Variants in SHISA7 observed in about 807,000 individuals in gnomAD.
The protein encoded by SHISA7 is protein shisa-7.
In SHISA7, 6 loss-of-function variants were observed where a neutral mutation model predicts 23.9. The observed-to-expected ratio is 0.25, with a 90% CI of 0.14 to 0.50. The LOEUF (loss-of-function observed/expected upper bound fraction) is 0.50, where lower values mean the gene tolerates loss of function less well. Ranked by LOEUF, SHISA7 falls within the 20% of genes least tolerant of loss-of-function variation. SHISA7 has a pLI of 0.98. For synonymous variants in SHISA7, 386 were observed against 398.3 expected (o/e 0.97, Z 0.37); for missense variants, 671 against 801.1 (o/e 0.84, Z 1.96).
rs898855907 is a variant in SHISA7 at position 55,430,494 on chromosome 19, G to A, written c.*2662C>T. 6.6e-6 allele frequency: 1 copy of A among 152,210 alleles called. No homozygotes were observed. Among genetic ancestry groups the A allele is most frequent in the Non-Finnish European group, 1.5e-5 (1 of 68,070 alleles). The allele number at this position is 152,210 out of a possible 1,614,324, so 9.4% of individuals were successfully genotyped here. ...TCTGGGATGACACCAGGGTTATGGT[G>A]GATCCTAGTGGGTGGTGACAGCACT... On this transcript the variant is annotated 3_prime_UTR_variant, in exon 4 of 4. Coordinates refer to ENST00000376325, the MANE Select transcript of SHISA7 (RefSeq NM_001145176.2).
Position 55,436,422 on chromosome 19 carries a change from G to A in SHISA7, c.976+1183C>T, listed in dbSNP as rs185879857. ...GTTTGAGACCAGCCTCACCAACATG[G>A]TGAAACCCCGTCTCTACTAAAAATA... On this transcript the variant is annotated intron_variant, in intron 3 of 3. Transcript: ENST00000376325. Among the ~76,000 whole-genome samples the A allele has an allele frequency of 8.1e-4, 123 of 151,792 alleles. 1 individual carries two copies. The highest frequency in any genetic ancestry group is 3.4e-3 in the Middle Eastern group (1 of 292).
chr19:55,438,172 C>A (rs1599873815), intron 2 of SHISA7, among the ~76,000 whole-genome samples: 1 of 151,924 alleles, frequency 6.6e-6, no homozygotes, highest in East Asian at 1.9e-4. Context: ...TCAGACCCAG[C>A]AGTTCTTTGG....
At chr19:55,434,949 TGTGGTGTGTGG>T (rs1985382404) in intron 3 of SHISA7, among the ~76,000 whole-genome samples, 1 of 115,296 alleles carries the variant, frequency 8.7e-6, no homozygotes, top group African/African-American at 3.4e-5. Flanking sequence ...GTGTATGGTG[TGTGGTGTGTGG>T]GTGTGTGTGG....
chr19:55,440,853 CCTTGGGTAAT>C (rs1238830347), intron 1 of SHISA7, 88 bp from the exon 2 acceptor site: 11 of 1,180,054 alleles, frequency 9.3e-6, no homozygotes, highest in Non-Finnish European at 1.2e-5. Flanking sequence ...CTGCTCTCGC[CCTTGGGTAAT>C]CTGTCACTCA....
chr19:55,443,201 G>C lies in SHISA7; in HGVS notation c.-338C>G, dbSNP rs1388196495. 6.6e-6 allele frequency among the ~76,000 whole-genome samples: 1 copy of C among 151,548 alleles called. No individual in the cohort carries two copies. The highest frequency in any genetic ancestry group is 1.5e-5 in the Non-Finnish European group (1 of 67,926). On this transcript the variant is annotated 5_prime_UTR_variant, in exon 1 of 4. Coordinates refer to ENST00000376325, the MANE Select transcript of SHISA7 (RefSeq NM_001145176.2). Reference sequence around the variant, plus strand: ...GGGATCAGGCGAGAGATGAATGCGGGAGAAGCGATTGGGAGGGTCGACAGA... The same window carrying C: ...GGGATCAGGCGAGAGATGAATGCGGCAGAAGCGATTGGGAGGGTCGACAGA...
At chr19:55,438,266 C>T (rs747366157) in intron 2 of SHISA7, among the ~76,000 whole-genome samples, 23 of 152,234 alleles carry the variant, frequency 1.5e-4, no homozygotes, top group Non-Finnish European at 2.5e-4. Flanking sequence ...GCTCAGGAGA[C>T]GGGCTTGATG....
rs1237853762 is a variant in SHISA7 at position 55,432,366 on chromosome 19, G to A, written c.*790C>T. ...CCTCCTCCTGGAGAGGTCCCAGAGT[G>A]GGTGGTCATCTCTGGTGATGACATC... On this transcript the variant is annotated 3_prime_UTR_variant, in exon 4 of 4. Transcript: ENST00000376325. The surrounding 1 kb of genome is among the most constrained non-coding windows in gnomAD (Gnocchi z 4.6). 1.3e-5 allele frequency: 2 copies of A among 152,636 alleles called. No individual in the cohort carries two copies. The highest frequency in any genetic ancestry group is 2.9e-5 in the Non-Finnish European group (2 of 68,042). 9.5% of individuals were successfully genotyped at this position (152,636 alleles called of 1,614,324 possible).
Position 55,433,392 on chromosome 19 carries a change from GC to G in SHISA7, c.1380del (p.Pro462GlnfsTer75), listed in dbSNP as rs1275449767. 7.5e-6 allele frequency: 10 copies of G among 1,326,694 alleles called. No homozygotes were observed. The highest frequency in any genetic ancestry group is 4.2e-5 in the Admixed American group (1 of 23,882). The allele number at this position is 1,326,694 out of a possible 1,614,324, so 82.2% of individuals were successfully genotyped here. On this transcript the variant is annotated frameshift_variant, in exon 4 of 4. Coordinates refer to ENST00000376325, the MANE Select transcript of SHISA7 (RefSeq NM_001145176.2). LOFTEE classifies it low-confidence loss of function (END_TRUNC). This position sits in a 1 kb window ranked among gnomAD's most constrained non-coding sequence, Gnocchi z 8.4. The part of the protein sequence containing the change: ...SHSNLLLGPG[G>X]PPTPLRGLPP... ...GGCAGCCCGCGCAGCGGTGTTGGGGGCCCCCCGGGCCCCAGCAGCAGGTTGG... is the reference window on the plus strand; with the variant it reads ...GGCAGCCCGCGCAGCGGTGTTGGGGGCCCCCGGGCCCCAGCAGCAGGTTGG...
chr19:55,433,802 G>A lies in SHISA7; in HGVS notation c.977-6C>T, dbSNP rs1483013640. 7.2e-7 allele frequency: 1 copy of A among 1,391,102 alleles called. No homozygotes were observed. The allele number at this position is 1,391,102 out of a possible 1,614,324, so 86.2% of individuals were successfully genotyped here. On this transcript the variant is annotated splice_polypyrimidine_tract_variant and splice_region_variant and intron_variant, in intron 3 of 3. Transcript: ENST00000376325. This position sits in a 1 kb window ranked among gnomAD's most constrained non-coding sequence, Gnocchi z 8.4. Reference sequence around the variant, plus strand: ...CTCGTCCAGATCCTTCTCGGCTGCGGGGAGAGGGGGAAAAGCCACAGCCGT... The same window carrying A: ...CTCGTCCAGATCCTTCTCGGCTGCGAGGAGAGGGGGAAAAGCCACAGCCGT...
In SHISA7 at chr19:55,433,484, G is replaced by T; in HGVS notation, c.1289C>A (p.Ser430Ter). 1 of 1,434,158 alleles carries T rather than the reference G, an allele frequency of 7.0e-7. No homozygotes were observed. The allele number at this position is 1,434,158 out of a possible 1,614,324, so 88.8% of individuals were successfully genotyped here. The change falls in exon 4 of 4, where the codon TCG (serine) becomes TAG (stop). Residue 430 changes from serine to a stop codon, truncating the protein, a stop_gained. Transcript: ENST00000376325. LOFTEE classifies it low-confidence loss of function (END_TRUNC). The surrounding 1 kb of genome is among the most constrained non-coding windows in gnomAD (Gnocchi z 8.4). ...GGGCAGCGCGGGGCTGCGCGGGGGC[G>T]ACAGCAGGTGCTCGCGACTCTGGCG... is the stretch of plus-strand genomic sequence containing the variant. The part of the protein sequence containing the change: ...ALRQSREHLL[S>*]PPRSPALPPD...
chr19:55,438,875 C>A (rs1388857717), intron 2 of SHISA7, among the ~76,000 whole-genome samples: 1 of 126,572 alleles, frequency 7.9e-6, no homozygotes, highest in Non-Finnish European at 1.6e-5. Context: ...TTAGCACCCC[C>A]CCCCCTGGTG....
At position 55,432,931 on chromosome 19, in the gene SHISA7, G is replaced by A. The variant is rs990684702; in HGVS notation, c.*225C>T. 5 of 554,952 alleles carry A rather than the reference G, an allele frequency of 9.0e-6. No homozygotes were observed. The highest frequency in any genetic ancestry group is 2.0e-5 in the African/African-American group (1 of 49,416). 34.4% of individuals were successfully genotyped at this position (554,952 alleles called of 1,614,324 possible). ...TTTGCTAGTGATGACCTCATGAGCC[G>A]GCCTCTTCCTCTGGGATGACATCAT... On this transcript the variant is annotated 3_prime_UTR_variant, in exon 4 of 4. Transcript: ENST00000376325. This position sits in a 1 kb window ranked among gnomAD's most constrained non-coding sequence, Gnocchi z 4.6.
rs748499858 is a variant in SHISA7, at chr19:55,434,311, GGTGTGTGT to G, written c.977-523_977-516del. 2.1e-3 allele frequency among the ~76,000 whole-genome samples: 215 copies of G among 102,994 alleles called. No homozygotes were observed. The East Asian group carries it at 0.079, about 38-fold the overall frequency. The allele number at this position is 102,994 out of a possible 152,430, so 67.6% of individuals were successfully genotyped here. A position where few individuals can be genotyped will look rare whatever the true frequency, so the allele number is the denominator to read the frequency against. ...TGTGGTGTATATGTGGTGTGTGTGT[GGTGTGTGT>G]GTGTGGTGTGTGGTGTGTGTGCGTG... On this transcript the variant is annotated intron_variant, in intron 3 of 3. Transcript: ENST00000376325.
At position 55,437,696 on chromosome 19, in the gene SHISA7, A is replaced by G. The variant is rs1321362455; in HGVS notation, c.885T>C (p.Ser295=). The G allele has an allele frequency of 1.3e-5, 20 of 1,551,458 alleles. No individual in the cohort carries two copies. Among genetic ancestry groups the G allele is most frequent in the Non-Finnish European group, 1.7e-5 (20 of 1,146,930 alleles). ...GATGCGAGAGGTTGTGGAAGGACCG[A>G]GAGCAGGACAGCGTGGAGTAGTGCA... ...PSLHYSTLSC[S]RSFHNLSHLP... The change falls in exon 3 of 4, where the codon TCT becomes TCC. Residue 295 remains serine (S), a synonymous_variant. Transcript: ENST00000376325.
At chr19:55,438,526 C>T (rs763313121) in intron 2 of SHISA7, 8 of 1,303,032 alleles carry the variant, frequency 6.1e-6, no homozygotes, top group South Asian at 4.9e-5. Flanking sequence ...GGGAAGGAGG[C>T]CTGCTCTTTT....
At position 55,433,177 on chromosome 19, in the gene SHISA7, G is replaced by C; in HGVS notation, c.1596C>G (p.Ser532Arg). The change falls in exon 4 of 4, where the codon AGC (serine) becomes AGG (arginine). Residue 532 changes from serine to arginine, a missense_variant. Physicochemically the swap from Ser to Arg is moderately radical, Grantham distance 110. Transcript: ENST00000376325. The surrounding 1 kb of genome is among the most constrained non-coding windows in gnomAD (Gnocchi z 8.4). ...HHLPQHLRTASKNEVTV is the reference protein window; with the variant it reads ...HHLPQHLRTARKNEVTV ...GGCCTCAGACAGTCACCTCGTTCTT[G>C]CTGGCCGTGCGCAGGTGCTGGGGCA... The C allele has an allele frequency of 6.6e-7, 1 of 1,523,736 alleles. No individual in the cohort carries two copies. Among genetic ancestry groups the C allele is most frequent in the Non-Finnish European group, 8.8e-7 (1 of 1,140,402 alleles). 94.4% of individuals were successfully genotyped at this position (1,523,736 alleles called of 1,614,324 possible).
intron 2 of SHISA7, among the ~76,000 whole-genome samples, chr19:55,438,188 T>C (rs1455383193): frequency 1.3e-5 from 2 of 151,952 alleles, no homozygotes; most frequent in Non-Finnish European, 2.9e-5. Context: ...TTTGGGGAGT[T>C]AGAAATCTGA....
intron 2 of SHISA7, among the ~76,000 whole-genome samples, chr19:55,438,318 C>T (rs1238653536): frequency 1.3e-5 from 2 of 152,194 alleles, no homozygotes; most frequent in African/African-American, 4.8e-5. Context: ...GGGCATTTGT[C>T]AGCACCCACT....
In SHISA7 at chr19:55,428,778, G is replaced by A. The variant is rs1049805162; in HGVS notation, c.*4378C>T. ...TATTTATTCCAAAAAATACCAAGTC[G>A]CAGCTCCTCTGGCTGTCCTCACCAG... On this transcript the variant is annotated 3_prime_UTR_variant, in exon 4 of 4. Transcript: ENST00000376325. 1.3e-5 allele frequency: 2 copies of A among 152,178 alleles called. No individual in the cohort carries two copies. The highest frequency in any genetic ancestry group is 1.9e-4 in the East Asian group (1 of 5,194). The allele number at this position is 152,178 out of a possible 1,614,324, so 9.4% of individuals were successfully genotyped here.
Sources: allele counts gnomAD v4.1 joint callset (sites outside exome capture counted in the v4.1 genomes callset), GRCh38; gene constraint gnomAD v4.1.1; non-coding constraint Gnocchi (gnomAD v3.1); transcripts MANE v1.5; gene names NCBI Gene and HGNC (gene_info 2026-07-23, HGNC 2026-07-21).